ELL: variants seen among roughly 807,000 people sequenced by gnomAD.
The protein encoded by ELL is elongation factor for RNA polymerase II, also known as RNA polymerase II elongation factor ELL.
Under a neutral mutation model 64.0 loss-of-function variants are expected in ELL, and 18 were observed. That is an observed-to-expected ratio of 0.28 (90% CI 0.19 to 0.42). The LOEUF (loss-of-function observed/expected upper bound fraction) is 0.42, where lower values mean the gene tolerates loss of function less well. ELL is among the 10% of genes least tolerant of loss of function. ELL has a pLI of 1.00. For synonymous variants in ELL, 399 were observed against 376.2 expected (o/e 1.06, Z -0.70); for missense variants, 797 against 870.4 (o/e 0.92, Z 1.06).
At chr19:18,519,908 A>G (rs1416360561) in intron 1 of ELL, among the ~76,000 whole-genome samples, 1 of 152,154 alleles carries the variant, frequency 6.6e-6, no homozygotes, top group Non-Finnish European at 1.5e-5. Flanking sequence ...AATCACCCCA[A>G]AATATAATCC....
intron 1 of ELL, among the ~76,000 whole-genome samples, chr19:18,476,679 C>G (rs780813298): frequency 6.6e-6 from 1 of 152,198 alleles, no homozygotes; most frequent in Non-Finnish European, 1.5e-5. Flanking sequence ...CTCTATGATG[C>G]CAGGAGGGCT....
chr19:18,459,505 G>A (rs1169022989), intron 5 of ELL, among the ~76,000 whole-genome samples: 2 of 151,736 alleles, frequency 1.3e-5, no homozygotes, highest in Non-Finnish European at 2.9e-5. Flanking sequence ...GCGTCACAGC[G>A]TATCCCATGG....
chr19:18,451,506 GCCC>G, intron 7 of ELL, 43 bp downstream of exon 7: 1 of 1,405,824 alleles, frequency 7.1e-7, no homozygotes, highest in Non-Finnish European at 9.3e-7. Flanking sequence ...AGCACAGAGT[GCCC>G]TGCAGGTGCT....
At position 18,450,717 on chromosome 19, in the gene ELL, G is replaced by A; in HGVS notation, c.1225C>T (p.Arg409Ter). ...DVSNDLGHSG[R>*]DCEHGEAAAP... is the part of the protein sequence containing the mutation. ...GCCGCCTCTCCGTGCTCACAGTCTC[G>A]GCCGCTGTGGCCCAGGTCATTGCTG... The change falls in exon 8 of 12, where the codon CGA (arginine) becomes TGA (stop). Residue 409 changes from arginine (R) to a stop codon, truncating the protein, a stop_gained. Coordinates refer to ENST00000262809, the MANE Select transcript of ELL (RefSeq NM_006532.4). LOFTEE classifies it high-confidence loss of function. 1.9e-6 allele frequency: 3 copies of A among 1,584,964 alleles called. No homozygotes were observed. The highest frequency in any genetic ancestry group is 1.1e-5 in the South Asian group (1 of 88,288).
chr19:18,518,224 G>C (rs1976169968), intron 1 of ELL, among the ~76,000 whole-genome samples: 1 of 152,116 alleles, frequency 6.6e-6, no homozygotes, highest in African/African-American at 2.4e-5. Context: ...ACTAGGCCAG[G>C]CACGATGGCT....
In ELL at chr19:18,512,801, G is replaced by A. The variant is rs373217249; in HGVS notation, c.135+9120C>T. Among the ~76,000 whole-genome samples the A allele has an allele frequency of 1.1e-4, 16 of 152,296 alleles. No homozygotes were observed. In the East Asian group the frequency reaches 2.5e-3, roughly 24 times the overall value. ...CCTTCACCTGAATTGGGAAGTTGAG[G>A]CTCAGGGAGGGTGCCAGCAGCCTGG... On this transcript the variant is annotated intron_variant, in intron 1 of 11. Transcript: ENST00000262809.
intron 2 of ELL, among the ~76,000 whole-genome samples, chr19:18,466,234 G>A (rs960398904): frequency 6.6e-6 from 1 of 152,182 alleles, no homozygotes; most frequent in Non-Finnish European, 1.5e-5. Context: ...CACCCCAATC[G>A]TGTGACCCCT....
intron 1 of ELL, among the ~76,000 whole-genome samples, chr19:18,500,848 C>T (rs1184322995): frequency 6.6e-6 from 1 of 152,212 alleles, no homozygotes; most frequent in Non-Finnish European, 1.5e-5. Flanking sequence ...ATACCCAAGA[C>T]TCTCAAAAAC....
intron 1 of ELL, among the ~76,000 whole-genome samples, chr19:18,499,693 T>C (rs1975740215): frequency 1.3e-5 from 2 of 151,648 alleles, no homozygotes; most frequent in South Asian, 2.1e-4. Flanking sequence ...AGGGCATGAG[T>C]AGCCACAGCC....
At chr19:18,450,385 C>T (rs1427592034) in intron 8 of ELL, 92 bp downstream of exon 8, 2 of 1,529,164 alleles carry the variant, frequency 1.3e-6, no homozygotes, top group South Asian at 1.3e-5. Context: ...CTGGCTTCTA[C>T]AGCTTGAGCC....
intron 2 of ELL, among the ~76,000 whole-genome samples, chr19:18,469,158 C>T (rs1975010636): frequency 6.6e-6 from 1 of 151,810 alleles, no homozygotes; most frequent in Non-Finnish European, 1.5e-5. Context: ...GTGCTGCTGG[C>T]GAAAAGGGGA....
At chr19:18,463,357 CAG>C (rs1974868846) in intron 4 of ELL, among the ~76,000 whole-genome samples, 1 of 106,896 alleles carries the variant, frequency 9.4e-6, no homozygotes, top group African/African-American at 3.9e-5. Context: ...TTTTTTGAGA[CAG>C]AGTCTCACTC....
chr19:18,475,597 G>A lies in ELL; in HGVS notation c.136-2715C>T, dbSNP rs191613384. On this transcript the variant is annotated intron_variant, in intron 1 of 11. Transcript: ENST00000262809. ...AAAAGCGGCAGTAGCCCAAATGTCCGTCAACTGGTGGAGAGAGAATCAAAC... is the reference window on the plus strand; with the variant it reads ...AAAAGCGGCAGTAGCCCAAATGTCCATCAACTGGTGGAGAGAGAATCAAAC... 5.4e-4 allele frequency among the ~76,000 whole-genome samples: 82 copies of A among 152,304 alleles called. 2 individuals carry two copies. The highest frequency in any genetic ancestry group is 1.9e-4 in the Non-Finnish European group (13 of 68,028).
chr19:18,450,927 G>T lies in ELL; in HGVS notation c.1015C>A (p.Pro339Thr), dbSNP rs763869529. Residue 339 changes from proline (P) to threonine (T), a missense_variant, in exon 8 of 12, where the codon CCC becomes ACC. Transcript: ENST00000262809. Reference sequence around the variant, plus strand: ...CTCTGAGTGAAGTGCGATATCCGGGGTTTCTTGTTGGCTAGGGGGTCGATG... The same window carrying T: ...CTCTGAGTGAAGTGCGATATCCGGGTTTTCTTGTTGGCTAGGGGGTCGATG... ...DFIDPLANKK[P>T]RISHFTQRAQ... The T allele has an allele frequency of 4.6e-6, 7 of 1,538,430 alleles. No homozygotes were observed. In the African/African-American group the frequency reaches 8.3e-5, roughly 18 times the overall value.
At chr19:18,519,488 C>T (rs928622566) in intron 1 of ELL, among the ~76,000 whole-genome samples, 7 of 152,148 alleles carry the variant, frequency 4.6e-5, no homozygotes, top group Non-Finnish European at 1.0e-4. Context: ...CACTATACTG[C>T]CCCATGGGCA....
intron 1 of ELL, among the ~76,000 whole-genome samples, chr19:18,476,757 A>G (rs1478669256): frequency 6.6e-6 from 1 of 152,180 alleles, no homozygotes; most frequent in Non-Finnish European, 1.5e-5. Context: ...ACTCTGGCTC[A>G]CACTGTATCC....
At position 18,471,015 on chromosome 19, in the gene ELL, C is replaced by T. The variant is rs140577584; in HGVS notation, c.183+1820G>A. The T allele has an allele frequency of 1.3e-3, 585 of 456,528 alleles. 1 individual carries two copies. The highest frequency in any genetic ancestry group is 0.011 in the African/African-American group (533 of 50,074). 28.3% of individuals were successfully genotyped at this position (456,528 alleles called of 1,614,324 possible). A position where few individuals can be genotyped will look rare whatever the true frequency, so the allele number is the denominator to read the frequency against. ...ATCATCATGTCCATATCCCCACATCCAGCTGTGCAGAGCTCTCAGGCTGTG... is the reference window on the plus strand; with the variant it reads ...ATCATCATGTCCATATCCCCACATCTAGCTGTGCAGAGCTCTCAGGCTGTG... On this transcript the variant is annotated intron_variant, in intron 2 of 11. Coordinates refer to ENST00000262809, the MANE Select transcript of ELL (RefSeq NM_006532.4).
At chr19:18,475,480 G>A (rs1192431666) in intron 1 of ELL, among the ~76,000 whole-genome samples, 3 of 103,918 alleles carry the variant, frequency 2.9e-5, no homozygotes, top group Non-Finnish European at 5.1e-5. Context: ...AACACACCCA[G>A]CAATTCCACC....
At chr19:18,458,789 T>C (rs1471006666) in intron 5 of ELL, among the ~76,000 whole-genome samples, 1 of 152,030 alleles carries the variant, frequency 6.6e-6, no homozygotes, top group Non-Finnish European at 1.5e-5. Context: ...TGCACCACTA[T>C]ACTCCAGCTA....
Sources: allele counts gnomAD v4.1 joint callset (sites outside exome capture counted in the v4.1 genomes callset), GRCh38; gene constraint gnomAD v4.1.1; transcripts MANE v1.5; gene names NCBI Gene and HGNC (gene_info 2026-07-23, HGNC 2026-07-21).